Variants in ANKRD50 observed in about 807,000 individuals in gnomAD.
ANKRD50 encodes ankyrin repeat domain 50.
A neutral mutation model predicts 112.0 loss-of-function variants in ANKRD50; 40 were observed. That is an observed-to-expected ratio of 0.36 (90% CI 0.28 to 0.46). ANKRD50 has a LOEUF of 0.46. ANKRD50 is among the 20% of genes least tolerant of loss of function. The pLI, the probability that ANKRD50 is intolerant of heterozygous loss-of-function variation, is 1.00. For synonymous variants in ANKRD50, 613 were observed against 619.1 expected, an observed-to-expected ratio of 0.99 and a Z score of 0.15; for missense variants, 1,487 against 1,701.7, an observed-to-expected ratio of 0.87 and a Z score of 2.22.
chr4:124,677,789 G>C (rs1041169188), intron 3 of ANKRD50, among the ~76,000 whole-genome samples: 13 of 151,810 alleles, frequency 8.6e-5, no homozygotes, highest in African/African-American at 3.1e-4. Context: ...TGAGCTGAAA[G>C]CATATAAAAT....
At chr4:124,667,738 T>C (rs1730530760) in intron 4 of ANKRD50, among the ~76,000 whole-genome samples, 1 of 152,008 alleles carries the variant, frequency 6.6e-6, no homozygotes. Flanking sequence ...CGTATTTATA[T>C]TTTGCCTTTA....
At chr4:124,699,878 A>G (rs1433785399) in intron 2 of ANKRD50, among the ~76,000 whole-genome samples, 1 of 152,062 alleles carries the variant, frequency 6.6e-6, no homozygotes, top group African/African-American at 2.4e-5. Flanking sequence ...TAAAATATAA[A>G]TATTCATTAA....
intron 3 of ANKRD50, among the ~76,000 whole-genome samples, chr4:124,673,664 C>T (rs1158781217): frequency 1.3e-5 from 2 of 151,870 alleles, no homozygotes; most frequent in African/African-American, 4.8e-5. Flanking sequence ...TGTGGCTCTG[C>T]CAACAGGACT....
At chr4:124,705,698 T>G (rs778084517) in intron 2 of ANKRD50, among the ~76,000 whole-genome samples, 10 of 152,162 alleles carry the variant, frequency 6.6e-5, no homozygotes, top group Non-Finnish European at 1.5e-4. Context: ...CTAACTTAGT[T>G]GCTTGAGTTT....
intron 2 of ANKRD50, among the ~76,000 whole-genome samples, chr4:124,699,070 C>G (rs1234277187): frequency 6.6e-6 from 1 of 152,024 alleles, no homozygotes; most frequent in East Asian, 1.9e-4. Context: ...GTGTGTATAC[C>G]TATATATCTC....
At chr4:124,689,047 C>G (rs543414770) in intron 2 of ANKRD50, among the ~76,000 whole-genome samples, 12 of 152,262 alleles carry the variant, frequency 7.9e-5, no homozygotes, top group African/African-American at 2.9e-4. Context: ...TATGTATACA[C>G]TCCTATAACA....
intron 2 of ANKRD50, among the ~76,000 whole-genome samples, chr4:124,698,302 G>A (rs899426238): frequency 2.0e-5 from 3 of 151,576 alleles, no homozygotes; most frequent in Admixed American, 1.3e-4. Flanking sequence ...AATGCAGGAG[G>A]GTTAGTACAG....
rs1319595019 is a variant in ANKRD50 at position 124,710,517 on chromosome 4, G to GT, written c.-7dup. On this transcript the variant is annotated 5_prime_UTR_variant, in exon 2 of 5. Coordinates refer to ENST00000504087, the MANE Select transcript of ANKRD50 (RefSeq NM_020337.3). ...TCTTCCCAAGGATTAGTCATAACGG[G>GT]TTTTTTATCTTCATTTGCTAGAGTC... 8 of 1,603,944 alleles carry GT rather than the reference G, an allele frequency of 5.0e-6. No individual in the cohort carries two copies. In the African/African-American group the frequency reaches 6.7e-5, roughly 13 times the overall value.
At chr4:124,675,507 T>A (rs867333245) in intron 3 of ANKRD50, among the ~76,000 whole-genome samples, 4 of 151,750 alleles carry the variant, frequency 2.6e-5, no homozygotes, top group Middle Eastern at 3.2e-3. Context: ...GGTTTGTCAA[T>A]GTTAAATTTA....
Position 124,672,167 on chromosome 4 carries a change from A to G in ANKRD50, c.1110T>C (p.Tyr370=), listed in dbSNP as rs1161396190. Residue 370 remains tyrosine (Y), a synonymous_variant, in exon 4 of 5, where the codon TAT becomes TAC. Coordinates refer to ENST00000504087, the MANE Select transcript of ANKRD50 (RefSeq NM_020337.3). ...ACRPLTITEL[Y]HAVWTKNMSL... ...ACATGTTTTTGGTCCATACTGCGTGATATAATTCCGTTATGGTCAAAGGTC... is the reference window on the plus strand; with the variant it reads ...ACATGTTTTTGGTCCATACTGCGTGGTATAATTCCGTTATGGTCAAAGGTC... The G allele has an allele frequency of 6.2e-7, 1 of 1,613,904 alleles. No individual in the cohort carries two copies. Among genetic ancestry groups the G allele is most frequent in the Non-Finnish European group, 8.5e-7 (1 of 1,179,870 alleles).
At chr4:124,691,702 G>A (rs1725143810) in intron 2 of ANKRD50, among the ~76,000 whole-genome samples, 1 of 151,900 alleles carries the variant, frequency 6.6e-6, no homozygotes, top group South Asian at 2.1e-4. Flanking sequence ...TCTCCCCCTG[G>A]CCCTTTTTGA....
In ANKRD50 at chr4:124,664,817, ATTGGCTGTACT is replaced by A. The variant is rs1367389347; in HGVS notation, c.*2690_*2700del. 6.6e-6 allele frequency: 1 copy of A among 151,948 alleles called. No homozygotes were observed. Among genetic ancestry groups the A allele is most frequent in the African/African-American group, 2.4e-5 (1 of 41,424 alleles). The allele number at this position is 151,948 out of a possible 1,614,324, so 9.4% of individuals were successfully genotyped here. On this transcript the variant is annotated 3_prime_UTR_variant, in exon 5 of 5. Coordinates refer to ENST00000504087, the MANE Select transcript of ANKRD50 (RefSeq NM_020337.3). ...GGGGTGAAAACAAAGAACAAAAATTATTGGCTGTACTTTGCAGTACGCACTGATTTCAGGTC... is the reference window on the plus strand; with the variant it reads ...GGGGTGAAAACAAAGAACAAAAATTATTGCAGTACGCACTGATTTCAGGTC...
At chr4:124,689,200 TCA>T (rs1229836862) in intron 2 of ANKRD50, among the ~76,000 whole-genome samples, 1 of 152,162 alleles carries the variant, frequency 6.6e-6, no homozygotes, top group Non-Finnish European at 1.5e-5. Context: ...GCACAGAACT[TCA>T]CACAAAGTGG....
intron 2 of ANKRD50, among the ~76,000 whole-genome samples, chr4:124,699,307 C>T (rs371622183): frequency 1.6e-4 from 25 of 151,520 alleles, no homozygotes; most frequent in African/African-American, 5.3e-4. Flanking sequence ...TTCCTGTTTA[C>T]TTTCCCGTAT....
At chr4:124,709,979 C>T in intron 2 of ANKRD50, 21 bp downstream of exon 2, 1 of 1,586,268 alleles carries the variant, frequency 6.3e-7, no homozygotes, top group Admixed American at 1.8e-5. Flanking sequence ...AATCTGAACA[C>T]CATGACATTT....
At position 124,664,086 on chromosome 4, in the gene ANKRD50, A is replaced by G. The variant is rs898784829; in HGVS notation, c.*3432T>C. 3.3e-5 allele frequency: 5 copies of G among 152,004 alleles called. No homozygotes were observed. The highest frequency in any genetic ancestry group is 1.2e-4 in the African/African-American group (5 of 41,432). The allele number at this position is 152,004 out of a possible 1,614,324, so 9.4% of individuals were successfully genotyped here. A position where few individuals can be genotyped will look rare whatever the true frequency, so the allele number is the denominator to read the frequency against. ...GAAACACACAAATTTTATTTAGAAA[A>G]TGAATGACCATGTTTGCAATAAACT... On this transcript the variant is annotated 3_prime_UTR_variant, in exon 5 of 5. Transcript: ENST00000504087.
intron 2 of ANKRD50, among the ~76,000 whole-genome samples, chr4:124,686,706 T>C (rs1462794935): frequency 6.6e-6 from 1 of 152,120 alleles, no homozygotes; most frequent in Non-Finnish European, 1.5e-5. Context: ...ATGTCCCCAT[T>C]CTCTGCCCTC....
In ANKRD50 at chr4:124,671,764, C is replaced by A; in HGVS notation, c.1513G>T (p.Ala505Ser). 2 of 1,613,862 alleles carry A rather than the reference C, an allele frequency of 1.2e-6. No homozygotes were observed. The highest frequency in any genetic ancestry group is 1.7e-6 in the Non-Finnish European group (2 of 1,179,852). The change falls in exon 4 of 5, where the codon GCT becomes TCT. Residue 505 changes from alanine (A) to serine (S), a missense_variant. This residue lies in a region of ANKRD50 where 1,046 missense variants were observed against 1,269.5 expected (regional missense o/e 0.82). Transcript: ENST00000504087. The stretch of plus-strand genomic sequence containing the variant: ...CGATCGTCTTCACTGTTGACATGAG[C>A]CCCAGCTTTAACCAACAGCTGTAGC... ...EVLQLLVKAG[A>S]HVNSEDDRTS...
At chr4:124,704,149 T>A (rs529120975) in intron 2 of ANKRD50, among the ~76,000 whole-genome samples, 2 of 152,310 alleles carry the variant, frequency 1.3e-5, no homozygotes, top group East Asian at 3.9e-4. Flanking sequence ...AAGACAAACA[T>A]GTAAAGTTTT....
Sources: gnomAD v4.1 joint callset for allele counts (sites outside exome capture counted in the v4.1 genomes callset) on GRCh38, gnomAD v4.1.1 for gene constraint, gnomAD v4.1.1 regional missense constraint, MANE v1.5 for transcripts, NCBI Gene and HGNC (gene_info 2026-07-23, HGNC 2026-07-21) for gene names.